The following SAGE1 variants were observed in gnomAD, a reference collection of about 807,000 sequenced individuals.
SAGE1 encodes cancer/testis antigen 14.
In SAGE1, 55 loss-of-function variants were observed where a neutral mutation model predicts 55.4. The ratio of observed to expected loss-of-function variants is 0.99; its 90% CI spans 0.80 to 1.24. The LOEUF (loss-of-function observed/expected upper bound fraction) is 1.24, where lower values mean the gene tolerates loss of function less well. SAGE1 is among the 50% of genes most tolerant of loss of function. SAGE1 has a pLI of 0.00. For missense variants in SAGE1, 710 were observed against 704.4 expected (o/e 1.01, Z -0.09); for synonymous variants, 240 against 244.3 (o/e 0.98, Z 0.17).
In SAGE1 at chrX:135,899,979, CTT is replaced by C. The variant is rs2088646089; in HGVS notation, c.88-1578_88-1577del. ...CTTCCTTTCTCCCTTTTTGAATACT[CTT>C]TATTTCTTTGCCTTGCCCGATTCCC... is the stretch of plus-strand genomic sequence containing the variant. On this transcript the variant is annotated intron_variant, in intron 2 of 19. Coordinates refer to ENST00000370709, the MANE Select transcript of SAGE1 (RefSeq NM_001381902.1). Among the ~76,000 whole-genome samples, 4 of 110,897 alleles carry C rather than the reference CTT, an allele frequency of 3.6e-5. No homozygotes were observed. The South Asian group carries it at 1.5e-3, about 42-fold the overall frequency.
Position 135,906,985 on chromosome X carries a change from G to C in SAGE1, c.796G>C (p.Asp266His), listed in dbSNP as rs531224334. The C allele has an allele frequency of 1.7e-6, 2 of 1,208,052 alleles. No individual in the cohort carries two copies. The highest frequency in any genetic ancestry group is 2.2e-6 in the Non-Finnish European group (2 of 893,798). ...EKMEKGQPQP[D>H]NILSTASTGL... is the part of the protein sequence containing the mutation. ...GATGGAAAAGGGCCAACCCCAACCTGATAACATCTTGTCAACTGCTTCAAC... is the reference window on the plus strand; with the variant it reads ...GATGGAAAAGGGCCAACCCCAACCTCATAACATCTTGTCAACTGCTTCAAC... Residue 266 changes from aspartate to histidine, a missense_variant, in exon 8 of 20, where the codon GAT (aspartate) becomes CAT (histidine). Physicochemically the swap from Asp to His is moderately conservative, Grantham distance 81 (BLOSUM62 -1). Coordinates refer to ENST00000370709, the MANE Select transcript of SAGE1 (RefSeq NM_001381902.1).
At chrX:135,908,327 G>T (rs1319511931) in intron 11 of SAGE1, 98 bp downstream of exon 11, 1 of 1,035,102 alleles carries the variant, frequency 9.7e-7, no homozygotes, top group Non-Finnish European at 1.3e-6. Context: ...TCTTTCGTGA[G>T]TTGAATTTGT....
Position 135,910,471 on chromosome X carries a change from C to T in SAGE1, c.1921C>T (p.Pro641Ser). ...EEKINNSQPAPGNILSTAPPW... is the reference protein window; with the variant it reads ...EEKINNSQPASGNILSTAPPW... ...GAAGATAAATAACAGCCAACCAGCA[C>T]CTGGTAACATCTTGTCAACTGCTCC... The change falls in exon 16 of 20, where the codon CCT (proline) becomes TCT (serine). Residue 641 changes from proline to serine, a missense_variant. Pro to Ser is a moderately conservative substitution (Grantham distance 74). Coordinates refer to ENST00000370709, the MANE Select transcript of SAGE1 (RefSeq NM_001381902.1). 3 of 1,208,793 alleles carry T rather than the reference C, an allele frequency of 2.5e-6. No individual in the cohort carries two copies. Among genetic ancestry groups the T allele is most frequent in the Middle Eastern group, 2.3e-4 (1 of 4,347 alleles).
Position 135,906,034 on chromosome X carries a change from C to G in SAGE1, c.465C>G (p.Val155=), listed in dbSNP as rs1556600530. Residue 155 remains valine (V), a synonymous_variant, in exon 6 of 20, where the codon GTC becomes GTG. Transcript: ENST00000370709. Reference sequence around the variant, plus strand: ...TCATTTGGTTTCCAGATTCTACCGTCACTCACAATATCCGTGAAGAGAGAA... The same window carrying G: ...TCATTTGGTTTCCAGATTCTACCGTGACTCACAATATCCGTGAAGAGAGAA... ...SMSTRDLHST[V]THNIREERME... The G allele has an allele frequency of 8.3e-7, 1 of 1,205,717 alleles. No individual in the cohort carries two copies. Among genetic ancestry groups the G allele is most frequent in the Admixed American group, 2.2e-5 (1 of 45,411 alleles).
At position 135,910,088 on chromosome X, in the gene SAGE1, C is replaced by T. The variant is rs781977573; in HGVS notation, c.1782C>T (p.Ser594=). The T allele has an allele frequency of 3.3e-6, 4 of 1,205,592 alleles. No homozygotes were observed. Among genetic ancestry groups the T allele is most frequent in the East Asian group, 3.0e-5 (1 of 33,773 alleles). ...EEKIKNGQAA[S]DNVFSTVPPA... is the part of the protein sequence containing the mutation. ...AGATTAAAAATGGCCAAGCAGCATC[C>T]GATAATGTCTTCTCGACTGTTCCAC... is the stretch of plus-strand genomic sequence containing the variant. Residue 594 remains serine (S), a synonymous_variant, in exon 15 of 20, where the codon TCC becomes TCT. Coordinates refer to ENST00000370709, the MANE Select transcript of SAGE1 (RefSeq NM_001381902.1).
intron 3 of SAGE1, among the ~76,000 whole-genome samples, chrX:135,904,245 C>A (rs1351910269): frequency 2.7e-5 from 3 of 111,980 alleles, no homozygotes; most frequent in Admixed American, 9.5e-5. Context: ...ACTTGTTATA[C>A]TGTCCTACGA....
At position 135,909,756 on chromosome X, in the gene SAGE1, C is replaced by T. The variant is rs137945651; in HGVS notation, c.1700C>T (p.Pro567Leu). The change falls in exon 14 of 20, where the codon CCG (proline) becomes CTG (leucine). Residue 567 changes from proline to leucine, a missense_variant. Pro to Leu is a moderately conservative substitution (Grantham distance 98). Coordinates refer to ENST00000370709, the MANE Select transcript of SAGE1 (RefSeq NM_001381902.1). ...ACTTATTTGACAGTAGCTGGTATTCCGGCCATGAGTACCAGGGATCAGTGT... is the reference window on the plus strand; with the variant it reads ...ACTTATTTGACAGTAGCTGGTATTCTGGCCATGAGTACCAGGGATCAGTGT... Reference protein sequence around the residue: ...GLTYLTVAGIPAMSTRDQYAT... With the variant: ...GLTYLTVAGILAMSTRDQYAT... 226 of 1,201,066 alleles carry T rather than the reference C, an allele frequency of 1.9e-4. No individual in the cohort carries two copies. Among genetic ancestry groups the T allele is most frequent in the Non-Finnish European group, 2.4e-4 (217 of 890,246 alleles).
Position 135,907,389 on chromosome X carries a change from TGTTCAACCA to T in SAGE1, c.957_965del (p.Gln320_Val322del). The T allele has an allele frequency of 6.6e-6, 8 of 1,207,693 alleles. No homozygotes were observed. The highest frequency in any genetic ancestry group is 9.0e-6 in the Non-Finnish European group (8 of 891,919). On this transcript the variant is annotated inframe_deletion, in exon 9 of 20. Coordinates refer to ENST00000370709, the MANE Select transcript of SAGE1 (RefSeq NM_001381902.1). ...CGCAACCTAATAACGTATTGTCAAC[TGTTCAACCA>T]GTGATTATTTATTTGACAGCAACTG...
rs781976694 is a variant in SAGE1, at chrX:135,896,369, T to A, written c.87+40T>A. 4 of 893,752 alleles carry A rather than the reference T, an allele frequency of 4.5e-6. No individual in the cohort carries two copies. The Admixed American group carries it at 8.9e-5, about 20-fold the overall frequency. The allele number at this position is 893,752 out of a possible 1,213,427, so 73.7% of individuals were successfully genotyped here. ...TCTATTTCTGCCCTAATTGTGACAT[T>A]CTTCGTATAATTATTTTCTCATTGG... On this transcript the variant is annotated intron_variant, in intron 2 of 19. Transcript: ENST00000370709.
rs782408650 is a variant in SAGE1 at position 135,911,851 on chromosome X, G to A, written c.2419G>A (p.Glu807Lys). Residue 807 changes from glutamate to lysine, a missense_variant, in exon 18 of 20, where the codon GAA becomes AAA. Glu to Lys is a moderately conservative substitution (Grantham distance 56). Transcript: ENST00000370709. ...DPPVTVMSLVETVPNTPQISP... is the reference protein window; with the variant it reads ...DPPVTVMSLVKTVPNTPQISP... ...ACCAGTTACAGTAATGTCTTTGGTG[G>A]AAACTGTGCCAAATACACCACAAAT... The A allele has an allele frequency of 1.7e-6, 2 of 1,211,079 alleles. No homozygotes were observed. The highest frequency in any genetic ancestry group is 2.2e-5 in the Admixed American group (1 of 46,067).
Position 135,908,592 on chromosome X carries a change from T to C in SAGE1, c.1416T>C (p.Ile472=). ...SGLINMAGAS[I]PAMSSRDLYA... is the part of the protein sequence containing the mutation. Reference sequence around the variant, plus strand: ...TTATTAATATGGCAGGAGCTAGTATTCCAGCAATGAGTTCCAGGGATCTGT... The same window carrying C: ...TTATTAATATGGCAGGAGCTAGTATCCCAGCAATGAGTTCCAGGGATCTGT... The change falls in exon 12 of 20, where the codon ATT becomes ATC. Residue 472 remains isoleucine (I), a synonymous_variant. Transcript: ENST00000370709. 1 of 1,201,975 alleles carries C rather than the reference T, an allele frequency of 8.3e-7. No individual in the cohort carries two copies. Among genetic ancestry groups the C allele is most frequent in the African/African-American group, 1.7e-5 (1 of 57,501 alleles).
chrX:135,903,384 A>G (rs1556598116), intron 3 of SAGE1, among the ~76,000 whole-genome samples: 1 of 112,179 alleles, frequency 8.9e-6, no homozygotes, highest in Non-Finnish European at 1.9e-5. Flanking sequence ...TCATTTGCTC[A>G]TTGTGCATGT....
At chrX:135,906,283 A>T in intron 6 of SAGE1, 119 bp downstream of exon 6, 1 of 1,066,598 alleles carries the variant, frequency 9.4e-7, no homozygotes, top group Non-Finnish European at 1.3e-6. Flanking sequence ...GAGGGGTCTC[A>T]CATCACCACC....
Position 135,911,928 on chromosome X carries a change from G to A in SAGE1, c.2496G>A (p.Met832Ile). The change falls in exon 18 of 20, where the codon ATG becomes ATA. Residue 832 changes from methionine to isoleucine, a missense_variant. Coordinates refer to ENST00000370709, the MANE Select transcript of SAGE1 (RefSeq NM_001381902.1). ...KINDDIKYQLMKEVRRFGQNY... is the reference protein window; with the variant it reads ...KINDDIKYQLIKEVRRFGQNY... ...ATGATGATATAAAATATCAATTAATGAAAGAAGTTCGAAGGTTTGGGCAAA... is the reference window on the plus strand; with the variant it reads ...ATGATGATATAAAATATCAATTAATAAAAGAAGTTCGAAGGTTTGGGCAAA... 1 of 1,208,949 alleles carries A rather than the reference G, an allele frequency of 8.3e-7. No homozygotes were observed.
intron 11 of SAGE1, 97 bp from the exon 12 acceptor site, chrX:135,908,380 G>A: frequency 1.9e-6 from 2 of 1,066,720 alleles, no homozygotes; most frequent in East Asian, 6.1e-5. Context: ...TGCTTTATGT[G>A]ATAAATTCCT....
chrX:135,910,627 G>GGTAAT, intron 16 of SAGE1, 72 bp downstream of exon 16: 1 of 1,019,529 alleles, frequency 9.8e-7, no homozygotes, highest in Admixed American at 2.3e-5. Flanking sequence ...AATGGTAGAA[G>GGTAAT]GTAATTTTGT....
In SAGE1 at chrX:135,908,501, A is replaced by C; in HGVS notation, c.1325A>C (p.His442Pro). 8.3e-7 allele frequency: 1 copy of C among 1,207,274 alleles called. No homozygotes were observed. The highest frequency in any genetic ancestry group is 1.1e-6 in the Non-Finnish European group (1 of 893,813). The part of the protein sequence containing the change: ...DQYATVNHHV[H>P]EARMENGQRK... ...GATGCTACCGTCAATCACCATGTCC[A>C]TGAAGCAAGGATGGAAAATGGCCAA... Residue 442 changes from histidine to proline, a missense_variant, in exon 12 of 20, where the codon CAT becomes CCT. Transcript: ENST00000370709.
Position 135,899,075 on chromosome X carries a change from A to G in SAGE1, c.88-2484A>G, listed in dbSNP as rs147294718. Among the ~76,000 whole-genome samples, 1,026 of 111,801 alleles carry G rather than the reference A, an allele frequency of 9.2e-3. 7 individuals are homozygous for G. Among genetic ancestry groups the G allele is most frequent in the Middle Eastern group, 0.032 (7 of 218 alleles). On this transcript the variant is annotated intron_variant, in intron 2 of 19. Coordinates refer to ENST00000370709, the MANE Select transcript of SAGE1 (RefSeq NM_001381902.1). Reference sequence around the variant, plus strand: ...TGTCATGAAATCTTTGCCGGTGCCTATGTCCTGAATAGTATTGCCTATTTT... The same window carrying G: ...TGTCATGAAATCTTTGCCGGTGCCTGTGTCCTGAATAGTATTGCCTATTTT...
chrX:135,912,502 C>T (rs1448059764), intron 19 of SAGE1, 88 bp downstream of exon 19: 3 of 1,176,834 alleles, frequency 2.5e-6, no homozygotes, highest in African/African-American at 1.8e-5. Flanking sequence ...TTTGTTCCTC[C>T]TAATCCCTGG....
Sources: gnomAD v4.1 joint callset for allele counts (sites outside exome capture counted in the v4.1 genomes callset) on GRCh38, gnomAD v4.1.1 for gene constraint, MANE v1.5 for transcripts, NCBI Gene and HGNC (gene_info 2026-07-23, HGNC 2026-07-21) for gene names.